RB1: variants seen among roughly 807,000 people sequenced by gnomAD.
The protein encoded by RB1 is RB transcriptional corepressor 1, also known as retinoblastoma-associated protein.
Under a neutral mutation model 135.4 loss-of-function variants are expected in RB1, and 18 were observed. The observed-to-expected ratio is 0.13, with a 90% CI of 0.09 to 0.20. RB1 has a LOEUF of 0.20. RB1 is among the 10% of genes least tolerant of loss of function. The pLI, the probability that RB1 is intolerant of heterozygous loss-of-function variation, is 1.00. For missense variants in RB1, 868 were observed against 1,110.0 expected, an observed-to-expected ratio of 0.78 and a Z score of 3.10; for synonymous variants, 365 against 373.2, an observed-to-expected ratio of 0.98 and a Z score of 0.25.
At chr13:48,330,581 CA>C (rs1952324470) in intron 2 of RB1, among the ~76,000 whole-genome samples, 1 of 152,138 alleles carries the variant, frequency 6.6e-6, no homozygotes, top group African/African-American at 2.4e-5. Context: ...TTGTTTGCCA[CA>C]TACTACCTGC....
At chr13:48,445,236 A>G (rs1949277042) in intron 17 of RB1, 1 of 152,230 alleles carries the variant, frequency 6.6e-6, no homozygotes, top group Admixed American at 6.5e-5. Context: ...TCATTGCCAA[A>G]TATTTTTAGG....
intron 2 of RB1, chr13:48,317,711 G>T: frequency 1.9e-6 from 1 of 523,256 alleles, no homozygotes; most frequent in East Asian, 7.0e-5. Context: ...GGAGCAGCGG[G>T]GAGCCCCTTC....
chr13:48,408,095 A>G (rs1251245277), intron 17 of RB1, among the ~76,000 whole-genome samples: 1 of 152,046 alleles, frequency 6.6e-6, no homozygotes, highest in African/African-American at 2.4e-5. Flanking sequence ...AGTTTGCTCC[A>G]TTTTCTATTT....
intron 2 of RB1, chr13:48,318,797 G>C (rs1284238100): frequency 1.7e-5 from 14 of 817,044 alleles, no homozygotes; most frequent in Non-Finnish European, 2.9e-5. Flanking sequence ...GTGAAAGTGG[G>C]CCCTGGGCAG....
At chr13:48,320,205 G>A in intron 2 of RB1, 5 of 972,756 alleles carry the variant, frequency 5.1e-6, no homozygotes, top group South Asian at 1.5e-5. Flanking sequence ...CAGGCAATGC[G>A]GGCTGCTCCT....
intron 17 of RB1, among the ~76,000 whole-genome samples, chr13:48,426,285 G>A (rs905315587): frequency 1.3e-5 from 2 of 152,230 alleles, no homozygotes; most frequent in Non-Finnish European, 2.9e-5. Flanking sequence ...TAAAGGTTAT[G>A]TTGTGGGAAA....
At chr13:48,461,918 C>T (rs933938612) in intron 20 of RB1, among the ~76,000 whole-genome samples, 1 of 152,094 alleles carries the variant, frequency 6.6e-6, no homozygotes, top group East Asian at 1.9e-4. Context: ...CGGCAATCTT[C>T]GCCTTCTGGG....
chr13:48,414,316 C>T (rs559471696), intron 17 of RB1, among the ~76,000 whole-genome samples: 1 of 149,506 alleles, frequency 6.7e-6, no homozygotes, highest in African/African-American at 2.5e-5. Flanking sequence ...CACTGCACTC[C>T]AGCCTGGGCG....
chr13:48,454,647 C>G (rs1949349090), intron 18 of RB1, among the ~76,000 whole-genome samples: 1 of 152,150 alleles, frequency 6.6e-6, no homozygotes, highest in Admixed American at 6.6e-5. Flanking sequence ...AGGAAATAAA[C>G]AGAGTGGTGT....
At chr13:48,364,867 A>G in intron 8 of RB1, 27 bp from the exon 9 acceptor site, 3 of 1,545,334 alleles carry the variant, frequency 1.9e-6, no homozygotes, top group Non-Finnish European at 2.6e-6. Context: ...AATTTTAATG[A>G]TCATGTTGTA....
chr13:48,328,445 T>C, intron 2 of RB1: 1 of 1,055,592 alleles, frequency 9.5e-7, no homozygotes, highest in South Asian at 1.3e-5. Flanking sequence ...GTCTGCAGCT[T>C]CTTCTTCAGC....
At position 48,381,540 on chromosome 13, in the gene RB1, T is replaced by A. The variant is rs2804086; in HGVS notation, c.1695+97T>A. ...TTTCTTAACATCTACCTCAAGAACA[T>A]ATAGGGAATTTAATGAATAATGTTA... On this transcript the variant is annotated intron_variant, in intron 17 of 26. Transcript: ENST00000267163. 0.97 allele frequency: 1,072,969 copies of A among 1,106,352 alleles called. 521,763 individuals are homozygous for A. The highest frequency in any genetic ancestry group is 1 in the East Asian group (39,661 of 39,722). The allele number at this position is 1,106,352 out of a possible 1,614,324, so 68.5% of individuals were successfully genotyped here.
chr13:48,428,860 T>C (rs1272056684), intron 17 of RB1, among the ~76,000 whole-genome samples: 1 of 152,342 alleles, frequency 6.6e-6, no homozygotes, highest in South Asian at 2.1e-4. Flanking sequence ...CCTTCCAGCA[T>C]AGATTATTAT....
intron 17 of RB1, among the ~76,000 whole-genome samples, chr13:48,395,978 C>G (rs1247018801): frequency 6.6e-6 from 1 of 152,104 alleles, no homozygotes. Context: ...AGAGCAGCCA[C>G]TGCTCAAGGA....
intron 2 of RB1, among the ~76,000 whole-genome samples, chr13:48,311,878 G>A (rs1306628829): frequency 3.3e-5 from 5 of 152,100 alleles, no homozygotes; most frequent in Admixed American, 6.5e-5. Context: ...GCTAATTTTT[G>A]TATTTTTAGT....
At chr13:48,383,120 C>G (rs1049074576) in intron 17 of RB1, among the ~76,000 whole-genome samples, 4 of 152,010 alleles carry the variant, frequency 2.6e-5, no homozygotes, top group African/African-American at 9.7e-5. Flanking sequence ...CAAATGTCTG[C>G]TCTTAAATTG....
At chr13:48,454,473 C>T (rs1297853944) in intron 18 of RB1, among the ~76,000 whole-genome samples, 1 of 152,136 alleles carries the variant, frequency 6.6e-6, no homozygotes, top group Admixed American at 6.5e-5. Flanking sequence ...ATTCAAGAAG[C>T]AGTCATCTGT....
intron 17 of RB1, chr13:48,404,292 T>C (rs1407099457): frequency 6.6e-6 from 1 of 152,188 alleles, no homozygotes; most frequent in Non-Finnish European, 1.5e-5. Flanking sequence ...GAAAGGCAGT[T>C]CTTCCTAGGA....
chr13:48,357,960 A>G (rs184809376), intron 6 of RB1, among the ~76,000 whole-genome samples: 2 of 152,258 alleles, frequency 1.3e-5, no homozygotes, highest in East Asian at 3.9e-4. Context: ...CATTAAATGA[A>G]CAATCACAGA....
Sources: allele counts gnomAD v4.1 joint callset (sites outside exome capture counted in the v4.1 genomes callset), GRCh38; gene constraint gnomAD v4.1.1; transcripts MANE v1.5; gene names NCBI Gene and HGNC (gene_info 2026-07-23, HGNC 2026-07-21).